KCTD1: variants seen among roughly 807,000 people sequenced by gnomAD.
KCTD1 encodes the protein potassium channel tetramerization domain containing 1.
A neutral mutation model predicts 66.0 loss-of-function variants in KCTD1; 24 were observed. That is an observed-to-expected ratio of 0.36 (90% confidence interval 0.26 to 0.51). The LOEUF (loss-of-function observed/expected upper bound fraction) is 0.51, where lower values mean the gene tolerates loss of function less well. KCTD1 is among the 20% of genes least tolerant of loss of function. KCTD1 has a pLI of 0.95. For missense variants in KCTD1, 943 were observed against 1,205.2 expected (o/e 0.78, Z 3.22); for synonymous variants, 511 against 517.2 (o/e 0.99, Z 0.16).
At chr18:26,521,203 G>A (rs918601196) in intron 1 of KCTD1, among the ~76,000 whole-genome samples, 4 of 152,190 alleles carry the variant, frequency 2.6e-5, no homozygotes, top group Non-Finnish European at 5.9e-5. Context: ...GACAGCCTGC[G>A]AGTCTGCTAA....
chr18:26,600,124 A>C, intron 1 of KCTD1: 1 of 1,609,740 alleles, frequency 6.2e-7, no homozygotes, highest in African/African-American at 1.3e-5. Context: ...TGGGGAAGGG[A>C]AAAAGAGGAA....
chr18:26,560,207 C>T (rs750755794), intron 1 of KCTD1, among the ~76,000 whole-genome samples: 4 of 150,378 alleles, frequency 2.7e-5, no homozygotes, highest in African/African-American at 7.3e-5. Flanking sequence ...ATATAGGTTA[C>T]ATGGGTGTTC....
chr18:26,597,634 C>T (rs1445316247), intron 1 of KCTD1, among the ~76,000 whole-genome samples: 2 of 150,062 alleles, frequency 1.3e-5, no homozygotes, highest in Non-Finnish European at 3.0e-5. Context: ...TAGCAATGAA[C>T]ACACCTAGTA....
chr18:26,523,425 G>T (rs1984009823), intron 1 of KCTD1, among the ~76,000 whole-genome samples: 1 of 152,140 alleles, frequency 6.6e-6, no homozygotes, highest in Non-Finnish European at 1.5e-5. Flanking sequence ...GTAGATAATA[G>T]TCCTCCCCCG....
chr18:26,482,670 A>T (rs1467405549), intron 2 of KCTD1, among the ~76,000 whole-genome samples: 1 of 151,998 alleles, frequency 6.6e-6, no homozygotes, highest in Non-Finnish European at 1.5e-5. Context: ...ACCCCATGCC[A>T]CCTCATGAAC....
At chr18:26,603,751 A>AAAT (rs1568006899) in intron 1 of KCTD1, among the ~76,000 whole-genome samples, 27,281 of 146,716 alleles carry the variant, frequency 0.19, 2,728 homozygotes, top group Middle Eastern at 0.23. Flanking sequence ...TCAAAAAAAT[A>AAAT]AAATAAATAA....
At chr18:26,521,431 TA>T in intron 1 of KCTD1, among the ~76,000 whole-genome samples, 1 of 152,130 alleles carries the variant, frequency 6.6e-6, no homozygotes, top group African/African-American at 2.4e-5. Context: ...ATCAAAGACT[TA>T]AAAAAAATAT....
chr18:26,493,281 G>C (rs951340754), intron 2 of KCTD1, among the ~76,000 whole-genome samples: 1 of 152,204 alleles, frequency 6.6e-6, no homozygotes, highest in African/African-American at 2.4e-5. Flanking sequence ...GTGGCTAGCA[G>C]AGTGGCCTTC....
Position 26,455,660 on chromosome 18 carries a change from G to GT in KCTD1, c.*82dup, listed in dbSNP as rs1278598784. Reference sequence around the variant, plus strand: ...TTTTACGTCCAGGACTTGGTTTGCTGTCCCAACTGCACATAAATGTCCCTT... The same window carrying GT: ...TTTTACGTCCAGGACTTGGTTTGCTGTTCCCAACTGCACATAAATGTCCCTT... On this transcript the variant is annotated 3_prime_UTR_variant, in exon 5 of 5. Transcript: ENST00000580059. 169 of 1,580,918 alleles carry GT rather than the reference G, an allele frequency of 1.1e-4. No homozygotes were observed. Among genetic ancestry groups the GT allele is most frequent in the Middle Eastern group, 3.5e-4 (2 of 5,792 alleles).
At chr18:26,554,183 G>C (rs548553347) in intron 1 of KCTD1, among the ~76,000 whole-genome samples, 1 of 133,798 alleles carries the variant, frequency 7.5e-6, no homozygotes, top group Non-Finnish European at 1.6e-5. Context: ...AAGAAGGAAG[G>C]AAAAAAGAAA....
chr18:26,565,287 G>C (rs1293553271), intron 1 of KCTD1, among the ~76,000 whole-genome samples: 1 of 152,140 alleles, frequency 6.6e-6, no homozygotes, highest in African/African-American at 2.4e-5. Context: ...CCCTTTACAT[G>C]GATGTGGTTC....
chr18:26,478,415 A>C (rs905346200), intron 2 of KCTD1, among the ~76,000 whole-genome samples: 7 of 152,226 alleles, frequency 4.6e-5, no homozygotes, highest in African/African-American at 1.7e-4. Context: ...ATATCGAATG[A>C]AAGCTTATGG....
At chr18:26,560,795 A>T (rs191321072) in intron 1 of KCTD1, among the ~76,000 whole-genome samples, 156 of 152,386 alleles carry the variant, frequency 1.0e-3, no homozygotes, top group Non-Finnish European at 1.8e-3. Flanking sequence ...TTAAGAAACA[A>T]CCACGTGGGT....
In KCTD1 at chr18:26,490,176, C is replaced by T. The variant is rs74499522; in HGVS notation, c.1988+10896G>A. Among the ~76,000 whole-genome samples the T allele has an allele frequency of 5.1e-3, 774 of 152,306 alleles. 16 individuals carry two copies. The highest frequency in any genetic ancestry group is 0.042 in the Admixed American group (648 of 15,298). On this transcript the variant is annotated intron_variant, in intron 2 of 4. Coordinates refer to ENST00000580059, the MANE Select transcript of KCTD1 (RefSeq NM_001142730.3). ...GTGCCCATGGTACTGCATGGTGACG[C>T]GTTTACATCTCACCACCTTTCTCTG...
At chr18:26,612,822 T>C (rs1162601833) in intron 1 of KCTD1, among the ~76,000 whole-genome samples, 1 of 152,194 alleles carries the variant, frequency 6.6e-6, no homozygotes, top group Admixed American at 6.5e-5. Context: ...GCTCAGCACA[T>C]GTGTTTTCCA....
intron 2 of KCTD1, among the ~76,000 whole-genome samples, chr18:26,496,693 A>G (rs1982489062): frequency 6.6e-6 from 1 of 151,410 alleles, no homozygotes; most frequent in African/African-American, 2.4e-5. Flanking sequence ...AAGTCAATTT[A>G]CTCACTGAAT....
intron 1 of KCTD1, among the ~76,000 whole-genome samples, chr18:26,636,729 G>T (rs1369472494): frequency 1.3e-5 from 2 of 152,180 alleles, no homozygotes; most frequent in Non-Finnish European, 2.9e-5. Flanking sequence ...TTCCAGGAGG[G>T]CAGCCTGGCG....
chr18:26,524,952 T>C (rs998258410), intron 1 of KCTD1, among the ~76,000 whole-genome samples: 1 of 152,176 alleles, frequency 6.6e-6, no homozygotes, highest in African/African-American at 2.4e-5. Context: ...TCACTGTTTA[T>C]ATGTACTGCC....
intron 1 of KCTD1, among the ~76,000 whole-genome samples, chr18:26,607,871 G>T (rs1384984997): frequency 6.6e-6 from 1 of 152,126 alleles, no homozygotes; most frequent in Non-Finnish European, 1.5e-5. Flanking sequence ...AGACTCAAGT[G>T]ATCCCCCTGC....
Sources: allele counts gnomAD v4.1 joint callset (sites outside exome capture counted in the v4.1 genomes callset), GRCh38; gene constraint gnomAD v4.1.1; transcripts MANE v1.5; gene names NCBI Gene and HGNC (gene_info 2026-07-23, HGNC 2026-07-21).